The following UPK3A variants were observed in gnomAD, a reference collection of about 807,000 sequenced individuals.
UPK3A encodes uroplakin-3a.
A neutral mutation model predicts 27.6 loss-of-function variants in UPK3A; 32 were observed. The ratio of observed to expected loss-of-function variants is 1.16; its 90% CI spans 0.87 to 1.55. The LOEUF (loss-of-function observed/expected upper bound fraction) is 1.55, where lower values mean the gene tolerates loss of function less well. UPK3A is among the 40% of genes most tolerant of loss of function. The pLI is 0.00. For missense variants in UPK3A, 370 were observed against 367.9 expected (o/e 1.01, Z -0.05); for synonymous variants, 171 against 163.9 (o/e 1.04, Z -0.33).
chr22:45,294,052 G>T (rs1309964631), intron 5 of UPK3A, among the ~76,000 whole-genome samples: 1 of 152,044 alleles, frequency 6.6e-6, no homozygotes, highest in Non-Finnish European at 1.5e-5. Context: ...AAGGTGCCGT[G>T]GGAATCCAGA....
At chr22:45,287,508 G>A in intron 3 of UPK3A, 57 bp downstream of exon 3, 1 of 1,546,472 alleles carries the variant, frequency 6.5e-7, no homozygotes, top group Non-Finnish European at 8.7e-7. Flanking sequence ...TCCTGATGAG[G>A]GAGAGCAGGG....
chr22:45,292,215 G>A (rs6007578), intron 4 of UPK3A, among the ~76,000 whole-genome samples: 17,154 of 152,208 alleles, frequency 0.11, 1,188 homozygotes, highest in African/African-American at 0.18. Flanking sequence ...TTCCTTTGGG[G>A]AACCCAGGCA....
Position 45,287,226 on chromosome 22 carries a change from C to A in UPK3A, c.263C>A (p.Thr88Lys). Residue 88 changes from threonine (T) to lysine (K), a missense_variant, in exon 3 of 6, where the codon ACG becomes AAG. Thr to Lys is a moderately conservative substitution (Grantham distance 78). Coordinates refer to ENST00000216211, the MANE Select transcript of UPK3A (RefSeq NM_006953.4). ...AGCACCAACACCCCACTGGGCTCAA[C>A]GTTCCTACAAACAGAGGGTGGGAGG... ...QDSTNTPLGS[T>K]FLQTEGGRTG... 3 of 1,614,244 alleles carry A rather than the reference C, an allele frequency of 1.9e-6. No homozygotes were observed. Among genetic ancestry groups the A allele is most frequent in the Non-Finnish European group, 2.5e-6 (3 of 1,180,044 alleles).
rs377154967 is a variant in UPK3A, at chr22:45,285,213, T to A, written c.52+148T>A. 4.9e-4 allele frequency: 373 copies of A among 753,754 alleles called. 5 individuals carry two copies. In the South Asian group the frequency reaches 5.8e-3, roughly 12 times the overall value. 46.7% of individuals were successfully genotyped at this position (753,754 alleles called of 1,614,324 possible). A position where few individuals can be genotyped will look rare whatever the true frequency, so the allele number is the denominator to read the frequency against. On this transcript the variant is annotated intron_variant, in intron 1 of 5. Transcript: ENST00000216211. The stretch of plus-strand genomic sequence containing the variant: ...TAGTGATAGCCAACGTTTACGGGCC[T>A]CCTCTGTTGGGAATCCGAGGGCTCA...
At chr22:45,287,142 G>A (rs763170652) in intron 2 of UPK3A, 30 bp from the exon 3 acceptor site, 1 of 1,613,272 alleles carries the variant, frequency 6.2e-7, no homozygotes, top group Non-Finnish European at 8.5e-7. Flanking sequence ...GGAGTGGCCA[G>A]AAGCCTGACT....
chr22:45,293,391 G>C (rs1410777156), intron 5 of UPK3A, 78 bp downstream of exon 5: 2 of 1,581,682 alleles, frequency 1.3e-6, no homozygotes, highest in Non-Finnish European at 1.7e-6. Flanking sequence ...TCAGCAGTGG[G>C]GTCCTCCGAG....
intron 5 of UPK3A, among the ~76,000 whole-genome samples, chr22:45,294,853 C>A (rs187293233): frequency 1.1e-3 from 160 of 151,390 alleles, no homozygotes; most frequent in African/African-American, 3.8e-3. Context: ...TGACCCCACA[C>A]TTGGATGCCT....
intron 5 of UPK3A, 87 bp from the exon 6 acceptor site, chr22:45,295,473 G>A: frequency 7.1e-7 from 1 of 1,404,322 alleles, no homozygotes. Flanking sequence ...TGAAAGCTAT[G>A]TCTGAGTATG....
At chr22:45,294,419 C>CG (rs367678430) in intron 5 of UPK3A, among the ~76,000 whole-genome samples, 8 of 151,706 alleles carry the variant, frequency 5.3e-5, no homozygotes, top group African/African-American at 1.9e-4. Context: ...GTACACCCCC[C>CG]CCGGGAGACC....
chr22:45,295,306 G>A (rs555327812), intron 5 of UPK3A, among the ~76,000 whole-genome samples: 3 of 151,990 alleles, frequency 2.0e-5, no homozygotes, highest in African/African-American at 7.2e-5. Context: ...TGGGAACATG[G>A]GACAATGGCC....
At chr22:45,285,696 G>C (rs1313013932) in intron 1 of UPK3A, among the ~76,000 whole-genome samples, 3 of 152,160 alleles carry the variant, frequency 2.0e-5, no homozygotes, top group African/African-American at 7.2e-5. Flanking sequence ...ATGCTTAGGA[G>C]GGGCAGTGGA....
intron 4 of UPK3A, among the ~76,000 whole-genome samples, chr22:45,292,517 C>G (rs764602960): frequency 4.6e-5 from 7 of 152,214 alleles, no homozygotes; most frequent in Non-Finnish European, 7.3e-5. Context: ...CACCTGGCCC[C>G]GTCAGACCAG....
At chr22:45,294,517 T>G (rs1453979681) in intron 5 of UPK3A, among the ~76,000 whole-genome samples, 3 of 152,000 alleles carry the variant, frequency 2.0e-5, no homozygotes, top group Non-Finnish European at 4.4e-5. Flanking sequence ...TGGGTTCTGG[T>G]CCCAGGCTGT....
intron 5 of UPK3A, among the ~76,000 whole-genome samples, chr22:45,295,252 G>T (rs115264073): frequency 6.6e-6 from 1 of 152,130 alleles, no homozygotes; most frequent in African/African-American, 2.4e-5. Context: ...TCCATGCTGC[G>T]TGGTCATTGT....
Position 45,295,744 on chromosome 22 carries a change from G to C in UPK3A, c.*25G>C. The C allele has an allele frequency of 6.2e-7, 1 of 1,612,936 alleles. No homozygotes were observed. Among genetic ancestry groups the C allele is most frequent in the Non-Finnish European group, 8.5e-7 (1 of 1,179,914 alleles). Reference sequence around the variant, plus strand: ...AGCCCAGCACCACCCCTGGGCAGCAGCATCCTCCTCTCTGGCCTTGCCCCA... The same window carrying C: ...AGCCCAGCACCACCCCTGGGCAGCACCATCCTCCTCTCTGGCCTTGCCCCA... On this transcript the variant is annotated 3_prime_UTR_variant, in exon 6 of 6. Coordinates refer to ENST00000216211, the MANE Select transcript of UPK3A (RefSeq NM_006953.4).
intron 2 of UPK3A, among the ~76,000 whole-genome samples, 200 bp downstream of exon 2, chr22:45,286,296 T>C (rs1213904785): frequency 6.6e-6 from 1 of 152,150 alleles, no homozygotes; most frequent in Non-Finnish European, 1.5e-5. Flanking sequence ...ACTGAACACC[T>C]ACACCATACC....
chr22:45,285,672 G>A (rs1054581477), intron 1 of UPK3A, among the ~76,000 whole-genome samples: 1 of 151,964 alleles, frequency 6.6e-6, no homozygotes, highest in Non-Finnish European at 1.5e-5. Flanking sequence ...GGGCTGGGCC[G>A]ATGGCATGGA....
rs564033617 is a variant in UPK3A, at chr22:45,291,253, T to G, written c.572-1928T>G. ...TGAGAGTATGTGTGGTGTGTGAGTG[T>G]GAGAGTGTGTGTGGTGTGGGTGGTG... On this transcript the variant is annotated intron_variant, in intron 4 of 5. Transcript: ENST00000216211. Among the ~76,000 whole-genome samples the G allele has an allele frequency of 2.0e-5, 3 of 149,956 alleles. No homozygotes were observed. In the East Asian group the frequency reaches 5.9e-4, roughly 30 times the overall value.
chr22:45,290,433 GTGTGAGTA>G (rs2084152358), intron 4 of UPK3A, among the ~76,000 whole-genome samples: 1 of 152,170 alleles, frequency 6.6e-6, no homozygotes, highest in African/African-American at 2.4e-5. Flanking sequence ...AAAGCCTTGT[GTGTGAGTA>G]TGTGAGTGCC....
Sources: allele counts gnomAD v4.1 joint callset (sites outside exome capture counted in the v4.1 genomes callset), GRCh38; gene constraint gnomAD v4.1.1; transcripts MANE v1.5; gene names NCBI Gene and HGNC (gene_info 2026-07-23, HGNC 2026-07-21).